The following DDX31 variants were observed in gnomAD, a reference collection of about 807,000 sequenced individuals.
DDX31 encodes DEAD-box helicase 31.
A neutral mutation model predicts 91.3 loss-of-function variants in DDX31; 70 were observed. The ratio of observed to expected loss-of-function variants is 0.77; its 90% CI spans 0.63 to 0.94. The LOEUF (loss-of-function observed/expected upper bound fraction) is 0.94, where lower values mean the gene tolerates loss of function less well. DDX31 is among the 40% of genes least tolerant of loss of function. DDX31 has a pLI of 0.00. For synonymous variants in DDX31, 362 were observed against 350.6 expected, an observed-to-expected ratio of 1.03 and a Z score of -0.36; for missense variants, 902 against 925.0, an observed-to-expected ratio of 0.98 and a Z score of 0.32.
At chr9:132,632,552 G>A (rs1231957482) in intron 14 of DDX31, among the ~76,000 whole-genome samples, 2 of 152,148 alleles carry the variant, frequency 1.3e-5, no homozygotes, top group Non-Finnish European at 2.9e-5. Context: ...ACACATTCAT[G>A]GATTATCACC....
chr9:132,624,785 A>C (rs1403726135), intron 17 of DDX31, among the ~76,000 whole-genome samples: 3 of 152,216 alleles, frequency 2.0e-5, no homozygotes, highest in African/African-American at 7.2e-5. Flanking sequence ...TATTACATAC[A>C]TTTCCTTAGA....
Position 132,632,270 on chromosome 9 carries a change from A to ACACACACACACACACACACACAGTCCTG in DDX31, c.1441-180_1441-179insCAGGACTGTGTGTGTGTGTGTGTGTGTG, listed in dbSNP as rs1554765323. Among the ~76,000 whole-genome samples the ACACACACACACACACACACACAGTCCTG allele has an allele frequency of 2.0e-3, 293 of 145,744 alleles. 3 individuals carry two copies. Among genetic ancestry groups the ACACACACACACACACACACACAGTCCTG allele is most frequent in the Non-Finnish European group, 3.7e-3 (243 of 66,284 alleles). ...CACACACACACACACACACACACAC[A>ACACACACACACACACACACACAGTCCTG]CACACACACACACACACACACACAC... On this transcript the variant is annotated intron_variant, in intron 14 of 19. Coordinates refer to ENST00000372159, the MANE Select transcript of DDX31 (RefSeq NM_022779.9).
At chr9:132,612,821 C>G (rs1464382531) in intron 18 of DDX31, among the ~76,000 whole-genome samples, 2 of 152,164 alleles carry the variant, frequency 1.3e-5, no homozygotes, top group Non-Finnish European at 2.9e-5. Context: ...ACATTACCAC[C>G]AATGCCCCCT....
chr9:132,635,161 G>T (rs1395603234), intron 14 of DDX31, among the ~76,000 whole-genome samples: 4 of 152,148 alleles, frequency 2.6e-5, no homozygotes, highest in African/African-American at 9.7e-5. Context: ...GAAACACACT[G>T]GGGCAGTCTG....
chr9:132,609,322 C>G (rs1203948844), intron 19 of DDX31, among the ~76,000 whole-genome samples: 1 of 152,146 alleles, frequency 6.6e-6, no homozygotes, highest in Non-Finnish European at 1.5e-5. Flanking sequence ...TGTTAAATCC[C>G]CTGCTCACAG....
chr9:132,650,359 A>G, intron 8 of DDX31, 61 bp from the exon 9 acceptor site: 1 of 1,501,656 alleles, frequency 6.7e-7, no homozygotes, highest in Non-Finnish European at 9.3e-7. Flanking sequence ...TCAGACATTG[A>G]TTCCAAATTC....
intron 1 of DDX31, among the ~76,000 whole-genome samples, chr9:132,665,450 A>T (rs1200805370): frequency 6.6e-6 from 1 of 152,218 alleles, no homozygotes; most frequent in Non-Finnish European, 1.5e-5. Context: ...AGAGGTACAT[A>T]AAAAAGGCTA....
intron 16 of DDX31, 128 bp from the exon 17 acceptor site, chr9:132,625,873 G>T: frequency 1.6e-6 from 1 of 640,714 alleles, no homozygotes; most frequent in Non-Finnish European, 2.7e-6. Context: ...TCCTAGGAAA[G>T]GAAATATTTT....
chr9:132,637,972 G>A, intron 14 of DDX31: 1 of 1,017,456 alleles, frequency 9.8e-7, no homozygotes, highest in South Asian at 4.3e-5. Flanking sequence ...TCCCCAGGAG[G>A]AGAGGAAATT....
At chr9:132,607,711 C>T (rs942377524) in intron 19 of DDX31, among the ~76,000 whole-genome samples, 1 of 152,176 alleles carries the variant, frequency 6.6e-6, no homozygotes, top group African/African-American at 2.4e-5. Flanking sequence ...TGGTGTCTCA[C>T]TCTGTCACCC....
At chr9:132,632,766 A>T (rs1832874250) in intron 14 of DDX31, among the ~76,000 whole-genome samples, 1 of 152,196 alleles carries the variant, frequency 6.6e-6, no homozygotes, top group Admixed American at 6.5e-5. Context: ...GGCCAAGCCC[A>T]TTAATCGCTT....
chr9:132,623,035 C>T (rs1832139825), intron 17 of DDX31, among the ~76,000 whole-genome samples: 1 of 151,060 alleles, frequency 6.6e-6, no homozygotes, highest in African/African-American at 2.4e-5. Flanking sequence ...GAGGCTGAGG[C>T]AGGAGAATCG....
In DDX31 at chr9:132,635,491, G is replaced by A. The variant is rs1372783404; in HGVS notation, c.1441-3400C>T. On this transcript the variant is annotated intron_variant, in intron 14 of 19. Coordinates refer to ENST00000372159, the MANE Select transcript of DDX31 (RefSeq NM_022779.9). ...TTTTTTTTTTTTGAGATGGAGTCTCGCTCTGTCGCCCAGGCTGGAGTGCAG... is the reference window on the plus strand; with the variant it reads ...TTTTTTTTTTTTGAGATGGAGTCTCACTCTGTCGCCCAGGCTGGAGTGCAG... Among the ~76,000 whole-genome samples, 13 of 124,630 alleles carry A rather than the reference G, an allele frequency of 1.0e-4. No homozygotes were observed. The East Asian group carries it at 1.4e-3, about 14-fold the overall frequency. 81.8% of individuals were successfully genotyped at this position (124,630 alleles called of 152,430 possible).
chr9:132,646,320 G>A (rs190232186), intron 12 of DDX31, among the ~76,000 whole-genome samples: 85 of 152,250 alleles, frequency 5.6e-4, no homozygotes, highest in Non-Finnish European at 1.1e-3. Flanking sequence ...ACACACCTGG[G>A]AGCACAGCTG....
rs117304038 is a variant in DDX31 at position 132,628,478 on chromosome 9, T to C, written c.1631+1786A>G. On this transcript the variant is annotated intron_variant, in intron 16 of 19. Coordinates refer to ENST00000372159, the MANE Select transcript of DDX31 (RefSeq NM_022779.9). ...TGGTATTTGTTATGTCTTTAAAATA[T>C]ACCTGACTCCCTAATACTTCGTGCC... 9.9e-3 allele frequency among the ~76,000 whole-genome samples: 1,514 copies of C among 152,390 alleles called. 22 individuals carry two copies. Among genetic ancestry groups the C allele is most frequent in the Non-Finnish European group, 0.015 (1,029 of 68,040 alleles).
chr9:132,601,690 C>T (rs1006447817), intron 19 of DDX31, among the ~76,000 whole-genome samples: 7 of 152,314 alleles, frequency 4.6e-5, no homozygotes, highest in South Asian at 4.1e-4. Context: ...TGGGTGGAGC[C>T]GAGCCATCCA....
At chr9:132,652,224 T>C (rs1276120580) in intron 7 of DDX31, among the ~76,000 whole-genome samples, 1 of 152,196 alleles carries the variant, frequency 6.6e-6, no homozygotes, top group Admixed American at 6.5e-5. Context: ...AATAGTATCA[T>C]TAGTTTCTAG....
chr9:132,638,973 TA>T (rs1434826941), intron 14 of DDX31, among the ~76,000 whole-genome samples: 1 of 152,122 alleles, frequency 6.6e-6, no homozygotes, highest in Non-Finnish European at 1.5e-5. Context: ...ATGTAACGAT[TA>T]ACAGCACGAT....
In DDX31 at chr9:132,594,959, C is replaced by T. The variant is rs774470115; in HGVS notation, c.2148G>A (p.Gln716=). 2.5e-6 allele frequency: 4 copies of T among 1,614,210 alleles called. No individual in the cohort carries two copies. The Admixed American group carries it at 6.7e-5, about 27-fold the overall frequency. ...TCCCACGGCCAAAGCAGGGTGTCGG[C>T]TGCAGACTGTGCTGCAGGGGCCGGC... is the stretch of plus-strand genomic sequence containing the variant. ...PGGRPLQHSL[Q]PTPCFGRGKT... The change falls in exon 20 of 20, where the codon CAG becomes CAA. Residue 716 remains glutamine, a synonymous_variant. Transcript: ENST00000372159.
Sources: allele counts gnomAD v4.1 joint callset (sites outside exome capture counted in the v4.1 genomes callset), GRCh38; gene constraint gnomAD v4.1.1; transcripts MANE v1.5; gene names NCBI Gene and HGNC (gene_info 2026-07-23, HGNC 2026-07-21).